Variants in CNTNAP5 observed in about 807,000 individuals in gnomAD.
CNTNAP5 encodes the protein contactin associated protein family member 5.
In CNTNAP5, 72 loss-of-function variants were observed where a neutral mutation model predicts 150.2. The observed-to-expected ratio is 0.48, with a 90% confidence interval of 0.40 to 0.58. CNTNAP5 has a LOEUF of 0.58. Ranked by LOEUF, CNTNAP5 falls within the 20% of genes least tolerant of loss-of-function variation. The probability of loss-of-function intolerance (pLI) is 0.00; values close to 1 mark genes in which losing one functional copy is unlikely to be tolerated. For missense variants in CNTNAP5, 1,636 were observed against 1,626.2 expected (o/e 1.01, Z -0.10); for synonymous variants, 672 against 619.8 (o/e 1.08, Z -1.25).
intron 1 of CNTNAP5, among the ~76,000 whole-genome samples, chr2:124,121,708 A>G (rs949562405): frequency 6.6e-6 from 1 of 152,112 alleles, no homozygotes; most frequent in Non-Finnish European, 1.5e-5. Context: ...CCATCCCCCA[A>G]TCATTCCTAA....
At position 124,914,174 on chromosome 2, in the gene CNTNAP5, T is replaced by A; in HGVS notation, c.3810T>A (p.His1270Gln). 1 of 1,612,598 alleles carries A rather than the reference T, an allele frequency of 6.2e-7. No homozygotes were observed. The stretch of plus-strand genomic sequence containing the variant: ...TCCTCTACCAGCACAAGCAGTCACA[T>A]CGTACGAGCCAGATGAAGGAGAAGG... ...TRFLYQHKQSHRTSQMKEKEY... is the reference protein window; with the variant it reads ...TRFLYQHKQSQRTSQMKEKEY... Residue 1270 changes from histidine to glutamine, a missense_variant, in exon 24 of 24, where the codon CAT becomes CAA. By Grantham distance (24) the His-to-Gln change is conservative. Coordinates refer to ENST00000682447, the MANE Select transcript of CNTNAP5 (RefSeq NM_001367498.1).
Position 124,441,469 on chromosome 2 carries a change from C to T in CNTNAP5, c.734-5284C>T, listed in dbSNP as rs958510310. On this transcript the variant is annotated intron_variant, in intron 5 of 23. Transcript: ENST00000682447. ...TGCCTTTTCCAGAATTGTTTTTAGT[C>T]TAGATTTTGTATTTTTGTCTTCTGC... Among the ~76,000 whole-genome samples, 3 of 151,770 alleles carry T rather than the reference C, an allele frequency of 2.0e-5. No homozygotes were observed. In the South Asian group the frequency reaches 6.2e-4, roughly 31 times the overall value.
At chr2:124,759,099 C>T (rs1680902301) in intron 14 of CNTNAP5, among the ~76,000 whole-genome samples, 1 of 151,584 alleles carries the variant, frequency 6.6e-6, no homozygotes, top group African/African-American at 2.4e-5. Context: ...GAATACAGAA[C>T]ATTTGGGAAC....
At chr2:124,742,336 G>A (rs948676257) in intron 13 of CNTNAP5, among the ~76,000 whole-genome samples, 1 of 151,312 alleles carries the variant, frequency 6.6e-6, no homozygotes, top group Non-Finnish European at 1.5e-5. Flanking sequence ...GAAAGACACT[G>A]AACATTTGAA....
intron 17 of CNTNAP5, among the ~76,000 whole-genome samples, chr2:124,780,827 G>A (rs1681434274): frequency 6.6e-6 from 1 of 152,230 alleles, no homozygotes; most frequent in South Asian, 2.1e-4. Context: ...GGGCAGTCAG[G>A]ATTTGGCCTC....
chr2:124,847,342 G>A (rs907245060), intron 19 of CNTNAP5, among the ~76,000 whole-genome samples: 5 of 152,210 alleles, frequency 3.3e-5, no homozygotes, highest in East Asian at 1.9e-4. Flanking sequence ...ATATTCCCAG[G>A]GGGATTATGG....
chr2:124,731,957 T>G (rs750551913), intron 13 of CNTNAP5, among the ~76,000 whole-genome samples: 28 of 152,100 alleles, frequency 1.8e-4, no homozygotes, highest in Non-Finnish European at 3.8e-4. Context: ...CAGCATACCC[T>G]CCTTCCATTT....
intron 6 of CNTNAP5, among the ~76,000 whole-genome samples, chr2:124,459,221 C>G (rs1336048206): frequency 6.6e-6 from 1 of 152,198 alleles, no homozygotes; most frequent in East Asian, 1.9e-4. Flanking sequence ...CCAGAGTACA[C>G]TCAGCCACAG....
At chr2:124,150,779 G>A (rs540206237) in intron 1 of CNTNAP5, among the ~76,000 whole-genome samples, 40 of 152,232 alleles carry the variant, frequency 2.6e-4, no homozygotes, top group African/African-American at 9.1e-4. Flanking sequence ...ACCTCCTAAA[G>A]GTCCCATCTT....
At chr2:124,904,618 A>G (rs1164691593) in intron 22 of CNTNAP5, among the ~76,000 whole-genome samples, 2 of 152,198 alleles carry the variant, frequency 1.3e-5, no homozygotes, top group Admixed American at 1.3e-4. Context: ...CCAAAAATGC[A>G]TAATGAAGAA....
At chr2:124,383,863 A>G (rs1690865526) in intron 3 of CNTNAP5, among the ~76,000 whole-genome samples, 1 of 152,304 alleles carries the variant, frequency 6.6e-6, no homozygotes, top group Admixed American at 6.5e-5. Flanking sequence ...CCAATATCAT[A>G]TTATGGAATG....
intron 6 of CNTNAP5, among the ~76,000 whole-genome samples, chr2:124,472,936 C>T (rs1019789511): frequency 5.9e-5 from 9 of 151,698 alleles, no homozygotes; most frequent in East Asian, 1.9e-4. Flanking sequence ...TACAACAAAG[C>T]GAAGTACAAT....
chr2:124,051,636 G>T (rs1363452283), intron 1 of CNTNAP5, among the ~76,000 whole-genome samples: 1 of 152,158 alleles, frequency 6.6e-6, no homozygotes, highest in Non-Finnish European at 1.5e-5. Flanking sequence ...TGGTGGTGGT[G>T]GTGGGGGCTT....
chr2:124,463,786 C>G (rs1003837180), intron 6 of CNTNAP5, among the ~76,000 whole-genome samples: 1 of 152,156 alleles, frequency 6.6e-6, no homozygotes, highest in Non-Finnish European at 1.5e-5. Context: ...GAGAAGGCTG[C>G]TCAGTGGAAC....
At chr2:124,695,681 T>A (rs983931940) in intron 13 of CNTNAP5, among the ~76,000 whole-genome samples, 3 of 152,142 alleles carry the variant, frequency 2.0e-5, no homozygotes, top group African/African-American at 7.2e-5. Flanking sequence ...TCGAAAGGAA[T>A]CTGGTCAGCT....
chr2:124,835,387 A>C (rs1401555142), intron 19 of CNTNAP5, among the ~76,000 whole-genome samples: 2 of 152,148 alleles, frequency 1.3e-5, no homozygotes, highest in Non-Finnish European at 2.9e-5. Context: ...AGTGTATAAA[A>C]AAATCCTTTT....
intron 19 of CNTNAP5, among the ~76,000 whole-genome samples, chr2:124,822,106 C>T (rs1340277402): frequency 6.6e-6 from 1 of 152,106 alleles, no homozygotes; most frequent in Non-Finnish European, 1.5e-5. Flanking sequence ...TGACTGTCTG[C>T]TTGACTTTCA....
chr2:124,641,617 T>C (rs931505672), intron 12 of CNTNAP5, among the ~76,000 whole-genome samples: 1 of 152,198 alleles, frequency 6.6e-6, no homozygotes, highest in South Asian at 2.1e-4. Flanking sequence ...AAAATTCACT[T>C]TGTCAACATA....
In CNTNAP5 at chr2:124,733,867, G is replaced by A. The variant is rs575405377; in HGVS notation, c.2078-13362G>A. On this transcript the variant is annotated intron_variant, in intron 13 of 23. Transcript: ENST00000682447. ...AGAAATCTGCAAAGAAAGCTTTGAT[G>A]GGGGAGAGTGTTAATACGACATGCA... Among the ~76,000 whole-genome samples the A allele has an allele frequency of 3.3e-5, 5 of 152,260 alleles. No individual in the cohort carries two copies. In the South Asian group the frequency reaches 1.0e-3, roughly 32 times the overall value.
Sources: allele counts gnomAD v4.1 joint callset (sites outside exome capture counted in the v4.1 genomes callset), GRCh38; gene constraint gnomAD v4.1.1; transcripts MANE v1.5; gene names NCBI Gene and HGNC (gene_info 2026-07-23, HGNC 2026-07-21).